The following METTL25 variants were observed in gnomAD, a reference collection of about 807,000 sequenced individuals.
METTL25 encodes probable methyltransferase-like protein 25.
In METTL25, 64 loss-of-function variants were observed where a neutral mutation model predicts 71.6. That is an observed-to-expected ratio of 0.89 (90% CI 0.73 to 1.10). The LOEUF (loss-of-function observed/expected upper bound fraction) is 1.10, where lower values mean the gene tolerates loss of function less well. METTL25 is among the 50% of genes least tolerant of loss of function. The pLI, the probability that METTL25 is intolerant of heterozygous loss-of-function variation, is 0.00. For synonymous variants in METTL25, 287 were observed against 250.3 expected, an observed-to-expected ratio of 1.15 and a Z score of -1.38; for missense variants, 807 against 707.0, an observed-to-expected ratio of 1.14 and a Z score of -1.60.
At chr12:82,380,128 A>T (rs1438914291) in intron 1 of METTL25, among the ~76,000 whole-genome samples, 1 of 152,202 alleles carries the variant, frequency 6.6e-6, no homozygotes, top group Non-Finnish European at 1.5e-5. Flanking sequence ...GCTGCGTGTT[A>T]GGAATATATA....
At chr12:82,396,448 T>C (rs1288221874) in intron 3 of METTL25, among the ~76,000 whole-genome samples, 2 of 152,112 alleles carry the variant, frequency 1.3e-5, no homozygotes, top group South Asian at 2.1e-4. Flanking sequence ...ACTGTAAGTA[T>C]AGGAATGTTT....
chr12:82,453,659 T>C (rs1317198113), intron 8 of METTL25, among the ~76,000 whole-genome samples: 1 of 152,154 alleles, frequency 6.6e-6, no homozygotes, highest in Non-Finnish European at 1.5e-5. Context: ...TACATATTTC[T>C]TCAGTAGCTC....
chr12:82,398,790 C>A lies in METTL25; in HGVS notation c.532-5C>A. On this transcript the variant is annotated splice_region_variant and splice_polypyrimidine_tract_variant and intron_variant, in intron 3 of 11. Transcript: ENST00000248306. ...CTTTAATTTATTCTTTTTTTCTAAT[C>A]TTAGGTGATTGACTTGGGTTCCGGT... 6.7e-7 allele frequency: 1 copy of A among 1,499,932 alleles called. No homozygotes were observed. The allele number at this position is 1,499,932 out of a possible 1,614,324, so 92.9% of individuals were successfully genotyped here.
chr12:82,451,359 C>T (rs1891134193), intron 8 of METTL25: 1 of 510,868 alleles, frequency 2.0e-6, no homozygotes, highest in Non-Finnish European at 2.5e-6. Context: ...TTTCTAATCC[C>T]AGTATCCCCA....
At chr12:82,420,406 T>G (rs1888373640) in intron 5 of METTL25, among the ~76,000 whole-genome samples, 2 of 152,106 alleles carry the variant, frequency 1.3e-5, no homozygotes, top group African/African-American at 4.8e-5. Flanking sequence ...TGAATAAGTT[T>G]TTGGCATTGC....
At chr12:82,402,761 C>T (rs200496982) in intron 4 of METTL25, among the ~76,000 whole-genome samples, 19 of 151,980 alleles carry the variant, frequency 1.3e-4, no homozygotes, top group East Asian at 3.9e-4. Context: ...ATGCTGTGGG[C>T]GGTACAATGT....
intron 5 of METTL25, among the ~76,000 whole-genome samples, chr12:82,417,818 G>A (rs1888119386): frequency 1.3e-5 from 2 of 152,086 alleles, no homozygotes; most frequent in South Asian, 4.2e-4. Context: ...GTTTTATATA[G>A]GGTAGCCAGG....
intron 1 of METTL25, among the ~76,000 whole-genome samples, chr12:82,368,872 C>T (rs947004773): frequency 1.3e-5 from 2 of 152,154 alleles, no homozygotes; most frequent in African/African-American, 4.8e-5. Flanking sequence ...CATGATCTGA[C>T]CCCTGATCAA....
chr12:82,465,696 C>T (rs1008111319), intron 9 of METTL25, among the ~76,000 whole-genome samples: 1 of 151,840 alleles, frequency 6.6e-6, no homozygotes, highest in Non-Finnish European at 1.5e-5. Context: ...CTTTTTTAAA[C>T]TTTAGTAGAA....
At chr12:82,367,400 T>G (rs1286520826) in intron 1 of METTL25, among the ~76,000 whole-genome samples, 1 of 152,222 alleles carries the variant, frequency 6.6e-6, no homozygotes, top group African/African-American at 2.4e-5. Flanking sequence ...ATTTCATGCC[T>G]TCTGGAGTCT....
chr12:82,472,417 T>G (rs1232320907), intron 9 of METTL25, among the ~76,000 whole-genome samples: 2 of 152,118 alleles, frequency 1.3e-5, no homozygotes, highest in Non-Finnish European at 2.9e-5. Context: ...GCTAACACGG[T>G]GAAACCCCAT....
intron 8 of METTL25, among the ~76,000 whole-genome samples, chr12:82,454,100 A>G (rs1891324666): frequency 1.3e-5 from 2 of 152,144 alleles, no homozygotes; most frequent in African/African-American, 2.4e-5. Flanking sequence ...GAAATAAAAA[A>G]TCTAATATTC....
intron 1 of METTL25, among the ~76,000 whole-genome samples, chr12:82,363,564 G>C (rs1256747404): frequency 1.3e-5 from 2 of 152,114 alleles, no homozygotes; most frequent in Non-Finnish European, 2.9e-5. Context: ...AGAGACATCA[G>C]CTGCTGCACT....
rs978506414 is a variant in METTL25, at chr12:82,398,708, C to A, written c.532-87C>A. ...TTAAAATAATATTTAAGTTATATAA[C>A]TCATTTGTTTACTTCAAAAAATCTA... On this transcript the variant is annotated intron_variant, in intron 3 of 11. Transcript: ENST00000248306. 3 of 804,110 alleles carry A rather than the reference C, an allele frequency of 3.7e-6. No homozygotes were observed. In the African/African-American group the frequency reaches 5.4e-5, roughly 14 times the overall value. 49.8% of individuals were successfully genotyped at this position (804,110 alleles called of 1,614,324 possible). A position where few individuals can be genotyped will look rare whatever the true frequency, so the allele number is the denominator to read the frequency against.
chr12:82,378,146 A>G (rs1394617214), intron 1 of METTL25, among the ~76,000 whole-genome samples: 1 of 152,208 alleles, frequency 6.6e-6, no homozygotes, highest in Non-Finnish European at 1.5e-5. Context: ...GTTCAGCCAC[A>G]GAGTATCAGA....
At chr12:82,466,864 G>A (rs1892267947) in intron 9 of METTL25, among the ~76,000 whole-genome samples, 1 of 151,816 alleles carries the variant, frequency 6.6e-6, no homozygotes, top group South Asian at 2.1e-4. Context: ...TATAGCTATT[G>A]GCTTGAATTC....
At chr12:82,399,834 T>C (rs1380169768) in intron 4 of METTL25, among the ~76,000 whole-genome samples, 1 of 151,994 alleles carries the variant, frequency 6.6e-6, no homozygotes, top group Admixed American at 6.6e-5. Context: ...TTTTCTAAAT[T>C]ACAAGTATGT....
chr12:82,373,506 CAG>C (rs772011177), intron 1 of METTL25, among the ~76,000 whole-genome samples: 2 of 152,110 alleles, frequency 1.3e-5, no homozygotes, highest in Non-Finnish European at 2.9e-5. Context: ...GCATCAGAGA[CAG>C]GGAGTGGTTT....
chr12:82,446,422 A>T (rs942194984), intron 8 of METTL25, among the ~76,000 whole-genome samples: 2 of 152,060 alleles, frequency 1.3e-5, no homozygotes, highest in Non-Finnish European at 2.9e-5. Flanking sequence ...TGTTAGCCAC[A>T]AAACAAGTCT....
Sources: gnomAD v4.1 joint callset for allele counts (sites outside exome capture counted in the v4.1 genomes callset) on GRCh38, gnomAD v4.1.1 for gene constraint, MANE v1.5 for transcripts, NCBI Gene and HGNC (gene_info 2026-07-23, HGNC 2026-07-21) for gene names.